The following ANKRD17 variants were observed in gnomAD, a reference collection of about 807,000 sequenced individuals.
The protein encoded by ANKRD17 is ankyrin repeat domain 17.
ANKRD17 carries 19 observed loss-of-function variants against 229.7 expected under a neutral mutation model. The observed-to-expected ratio is 0.08, with a 90% CI of 0.06 to 0.12. The LOEUF is 0.12. Ranked by LOEUF, ANKRD17 falls within the 10% of genes least tolerant of loss-of-function variation. The probability of loss-of-function intolerance (pLI) is 1.00; values close to 1 mark genes in which losing one functional copy is unlikely to be tolerated. For missense variants in ANKRD17, 2,176 were observed against 3,176.8 expected, an observed-to-expected ratio of 0.68 and a Z score of 7.57; for synonymous variants, 1,112 against 1,146.1, an observed-to-expected ratio of 0.97 and a Z score of 0.60.
At chr4:73,232,671 C>A (rs1354074623) in intron 1 of ANKRD17, among the ~76,000 whole-genome samples, 1 of 152,122 alleles carries the variant, frequency 6.6e-6, no homozygotes, top group African/African-American at 2.4e-5. Flanking sequence ...ATATTTACTT[C>A]ATAAAGAGCA....
intron 30 of ANKRD17, among the ~76,000 whole-genome samples, chr4:73,083,221 G>A (rs183602213): frequency 1.6e-4 from 24 of 152,260 alleles, no homozygotes; most frequent in Admixed American, 5.9e-4. Context: ...GGTAGTTCCT[G>A]GTTCAAGAAA....
intron 1 of ANKRD17, among the ~76,000 whole-genome samples, chr4:73,220,551 A>C (rs1230497480): frequency 2.0e-5 from 3 of 152,160 alleles, no homozygotes; most frequent in African/African-American, 7.2e-5. Flanking sequence ...ATATATAATC[A>C]GTAATCACAG....
intron 8 of ANKRD17, among the ~76,000 whole-genome samples, chr4:73,147,788 A>C (rs765204891): frequency 6.6e-6 from 1 of 152,094 alleles, no homozygotes; most frequent in Non-Finnish European, 1.5e-5. Flanking sequence ...AAAAATCTTA[A>C]CATTCAATAA....
chr4:73,089,124 G>C (rs995593722), intron 29 of ANKRD17, among the ~76,000 whole-genome samples: 43 of 148,756 alleles, frequency 2.9e-4, no homozygotes, highest in African/African-American at 9.0e-4. Context: ...TGTAACATCT[G>C]CCTCTAGGGC....
At chr4:73,125,764 A>C (rs978936008) in intron 16 of ANKRD17, among the ~76,000 whole-genome samples, 3 of 151,730 alleles carry the variant, frequency 2.0e-5, no homozygotes, top group African/African-American at 4.8e-5. Flanking sequence ...AGAAAAGAAA[A>C]GCAAGGTTTA....
chr4:73,093,653 C>T (rs991536805), intron 28 of ANKRD17, among the ~76,000 whole-genome samples: 5 of 152,144 alleles, frequency 3.3e-5, no homozygotes, highest in African/African-American at 1.2e-4. Context: ...GGATTACAGG[C>T]GTGAGCCACC....
At chr4:73,101,921 C>G (rs914562716) in intron 25 of ANKRD17, among the ~76,000 whole-genome samples, 2 of 151,694 alleles carry the variant, frequency 1.3e-5, no homozygotes, top group Non-Finnish European at 2.9e-5. Context: ...AAAAAAAAAG[C>G]ATATATCTTT....
At chr4:73,195,888 T>C (rs1457453872) in intron 1 of ANKRD17, among the ~76,000 whole-genome samples, 1 of 152,220 alleles carries the variant, frequency 6.6e-6, no homozygotes, top group Non-Finnish European at 1.5e-5. Context: ...ATGGGTGGGA[T>C]GGGAGGCAAC....
At position 73,145,208 on chromosome 4, in the gene ANKRD17, T is replaced by C. The variant is rs555060322; in HGVS notation, c.1870-376A>G. 2.0e-4 allele frequency among the ~76,000 whole-genome samples: 30 copies of C among 152,288 alleles called. No homozygotes were observed. In the South Asian group the frequency reaches 5.8e-3, roughly 29 times the overall value. On this transcript the variant is annotated intron_variant, in intron 10 of 33. Transcript: ENST00000358602. ...CTCTAGCATGGCCTTCTCCGAACAATCAATATAATGAGCATTATCCTCATC... is the reference window on the plus strand; with the variant it reads ...CTCTAGCATGGCCTTCTCCGAACAACCAATATAATGAGCATTATCCTCATC...
At chr4:73,124,854 G>C in intron 18 of ANKRD17, 59 bp downstream of exon 18, 2 of 1,567,978 alleles carry the variant, frequency 1.3e-6, no homozygotes, top group South Asian at 2.3e-5. Flanking sequence ...TAATATAAGT[G>C]AAAGTACACA....
intron 10 of ANKRD17, among the ~76,000 whole-genome samples, chr4:73,146,490 C>A (rs1054941053): frequency 6.6e-6 from 1 of 151,950 alleles, no homozygotes; most frequent in African/African-American, 2.4e-5. Context: ...TAGTTAATAT[C>A]TAAGGGAAAA....
intron 2 of ANKRD17, among the ~76,000 whole-genome samples, chr4:73,168,558 C>CTGTTA (rs1733545830): frequency 1.3e-5 from 2 of 152,152 alleles, no homozygotes; most frequent in African/African-American, 2.4e-5. Flanking sequence ...CCTACAGTCT[C>CTGTTA]TAACAAACAA....
chr4:73,159,188 C>T (rs1235720890), intron 3 of ANKRD17, among the ~76,000 whole-genome samples: 1 of 152,198 alleles, frequency 6.6e-6, no homozygotes, highest in Non-Finnish European at 1.5e-5. Flanking sequence ...TCCCATTTCA[C>T]AGGACACTGA....
In ANKRD17 at chr4:73,091,184, C is replaced by T. The variant is rs61250662; in HGVS notation, c.6444G>A (p.Ala2148=). 2.6e-4 allele frequency: 422 copies of T among 1,614,084 alleles called. 2 individuals carry two copies. In the African/African-American group the frequency reaches 4.5e-3, roughly 17 times the overall value. The stretch of plus-strand genomic sequence containing the variant: ...AAGTCACTGGGGCAGTAGAAGGCAC[C>T]GCCACTGGAGCAGAACTTGTTGCTA... ...PPLATSSAPV[A]VPSTAPVTYP... Residue 2148 remains alanine, a synonymous_variant, in exon 29 of 34, where the codon GCG becomes GCA. Transcript: ENST00000358602.
intron 1 of ANKRD17, among the ~76,000 whole-genome samples, chr4:73,199,255 G>A (rs1738323549): frequency 3.3e-5 from 5 of 150,116 alleles, no homozygotes. Flanking sequence ...GTGTGTGTGT[G>A]TGTTGGGAGG....
At chr4:73,224,556 T>C (rs572865222) in intron 1 of ANKRD17, among the ~76,000 whole-genome samples, 1 of 152,204 alleles carries the variant, frequency 6.6e-6, no homozygotes, top group Non-Finnish European at 1.5e-5. Flanking sequence ...TCAAGCAATA[T>C]ATGATTTCTT....
intron 29 of ANKRD17, among the ~76,000 whole-genome samples, chr4:73,089,196 C>G (rs1004853263): frequency 2.0e-5 from 3 of 151,968 alleles, no homozygotes; most frequent in Non-Finnish European, 4.4e-5. Context: ...CACCACCATG[C>G]CCAGCTAATT....
chr4:73,083,481 C>T (rs766870311), intron 30 of ANKRD17, among the ~76,000 whole-genome samples: 3 of 152,032 alleles, frequency 2.0e-5, no homozygotes, highest in East Asian at 1.9e-4. Flanking sequence ...GAAATTTAGG[C>T]GAAGGAAATA....
chr4:73,087,343 C>T lies in ANKRD17; in HGVS notation c.6962-1897G>A, dbSNP rs1183108753. 2.0e-5 allele frequency among the ~76,000 whole-genome samples: 3 copies of T among 152,054 alleles called. No homozygotes were observed. In the East Asian group the frequency reaches 5.8e-4, roughly 29 times the overall value. ...CAAATGAGCCTCTTGTCTCAGTCTCCCAAAGTGTTGGGATTACAAGTGTGA... is the reference window on the plus strand; with the variant it reads ...CAAATGAGCCTCTTGTCTCAGTCTCTCAAAGTGTTGGGATTACAAGTGTGA... On this transcript the variant is annotated intron_variant, in intron 29 of 33. Transcript: ENST00000358602.
Sources: allele counts gnomAD v4.1 joint callset (sites outside exome capture counted in the v4.1 genomes callset), GRCh38; gene constraint gnomAD v4.1.1; transcripts MANE v1.5; gene names NCBI Gene and HGNC (gene_info 2026-07-23, HGNC 2026-07-21).